The following TCF25 variants were observed in gnomAD, a reference collection of about 807,000 sequenced individuals.
TCF25 encodes the protein TCF25 ribosome quality control complex subunit.
A neutral mutation model predicts 83.1 loss-of-function variants in TCF25; 41 were observed. The ratio of observed to expected loss-of-function variants is 0.49; its 90% confidence interval spans 0.38 to 0.64. TCF25 has a LOEUF of 0.64. TCF25 is among the 30% of genes least tolerant of loss of function. The pLI is 0.00. For synonymous variants in TCF25, 458 were observed against 365.0 expected, an observed-to-expected ratio of 1.25 and a Z score of -2.90; for missense variants, 979 against 914.5, an observed-to-expected ratio of 1.07 and a Z score of -0.91.
At chr16:89,893,321 G>A (rs1347365538) in intron 6 of TCF25, among the ~76,000 whole-genome samples, 6 of 152,180 alleles carry the variant, frequency 3.9e-5, no homozygotes, top group Admixed American at 2.0e-4. Flanking sequence ...CTGTGCCACC[G>A]CACTCCAACC....
chr16:89,907,180 TGGGAGAGGTAGA>T, intron 15 of TCF25, 51 bp from the exon 16 acceptor site: 1 of 1,534,068 alleles, frequency 6.5e-7, no homozygotes, highest in Admixed American at 1.7e-5. Flanking sequence ...AGGACTCTGC[TGGGAGAGGTAGA>T]GGCCCCCTGG....
At chr16:89,904,538 C>G (rs1244706398) in intron 13 of TCF25, 1 of 491,602 alleles carries the variant, frequency 2.0e-6, no homozygotes, top group Non-Finnish European at 3.7e-6. Flanking sequence ...TGTGTTTGTG[C>G]TGCTGCACTC....
At chr16:89,909,152 AATAAAC>A (rs1204580508) in intron 16 of TCF25, 3 of 1,280,138 alleles carry the variant, frequency 2.3e-6, no homozygotes, top group Admixed American at 2.3e-5. Context: ...AGAATGTAGA[AATAAAC>A]ATAAAATCAA....
intron 12 of TCF25, among the ~76,000 whole-genome samples, chr16:89,903,159 A>T (rs62052186): frequency 0.066 from 10,070 of 152,318 alleles, 534 homozygotes; most frequent in East Asian, 0.26. Flanking sequence ...CTGCTGTGTC[A>T]CAGGCTGTAG....
At chr16:89,901,275 GCA>G (rs1308368495) in intron 12 of TCF25, among the ~76,000 whole-genome samples, 3 of 152,382 alleles carry the variant, frequency 2.0e-5, no homozygotes, top group South Asian at 4.1e-4. Context: ...CATGTGGCGG[GCA>G]CAGTGAGGCT....
chr16:89,881,902 G>A (rs1023706123), intron 1 of TCF25, among the ~76,000 whole-genome samples: 2 of 152,020 alleles, frequency 1.3e-5, no homozygotes, highest in Non-Finnish European at 2.9e-5. Context: ...TTACAGGCAC[G>A]CGCCACTGCA....
intron 13 of TCF25, 192 bp downstream of exon 13, chr16:89,904,397 G>A (rs771216593): frequency 7.9e-6 from 5 of 636,354 alleles, no homozygotes; most frequent in Non-Finnish European, 1.4e-5. Context: ...AGTCCAGGTG[G>A]GACAGCTGAG....
At chr16:89,898,676 G>T (rs537890847) in intron 10 of TCF25, 27 bp downstream of exon 10, 1 of 1,612,158 alleles carries the variant, frequency 6.2e-7, no homozygotes, top group Admixed American at 1.7e-5. Flanking sequence ...GGCCAAGCCC[G>T]TCCACGCTCC....
intron 1 of TCF25, among the ~76,000 whole-genome samples, chr16:89,876,434 A>T (rs925824514): frequency 1.3e-5 from 2 of 152,168 alleles, no homozygotes; most frequent in Non-Finnish European, 2.9e-5. Flanking sequence ...TTTTTAAAAA[A>T]TTTTATTTAT....
intron 7 of TCF25, chr16:89,894,819 AT>A (rs2043723126): frequency 2.5e-6 from 1 of 404,424 alleles, no homozygotes; most frequent in Non-Finnish European, 4.6e-6. Flanking sequence ...TAATTTTTGT[AT>A]TTTTATTAGA....
At chr16:89,883,637 C>T in intron 2 of TCF25, 125 bp downstream of exon 2, 1 of 1,132,910 alleles carries the variant, frequency 8.8e-7, no homozygotes, top group Non-Finnish European at 1.2e-6. Context: ...TGGTTACCTG[C>T]TAGTTGCCCC....
intron 1 of TCF25, among the ~76,000 whole-genome samples, chr16:89,875,289 C>T (rs1177546990): frequency 1.3e-5 from 2 of 152,148 alleles, no homozygotes; most frequent in African/African-American, 2.4e-5. Context: ...ATTTATATTT[C>T]TCTTTGTGAC....
At chr16:89,908,476 C>A (rs960319015) in intron 16 of TCF25, among the ~76,000 whole-genome samples, 1 of 145,946 alleles carries the variant, frequency 6.9e-6, no homozygotes, top group Admixed American at 6.8e-5. Context: ...TTCCCACCTG[C>A]CAGCTCCCAC....
chr16:89,890,942 T>C (rs866034235), intron 5 of TCF25, among the ~76,000 whole-genome samples: 7 of 152,208 alleles, frequency 4.6e-5, no homozygotes, highest in Admixed American at 1.3e-4. Context: ...TCATTCCTTG[T>C]CCTGCTCCTC....
At chr16:89,887,439 C>G (rs2043103165) in intron 4 of TCF25, among the ~76,000 whole-genome samples, 1 of 152,238 alleles carries the variant, frequency 6.6e-6, no homozygotes, top group Admixed American at 6.5e-5. Flanking sequence ...ACCGAGCGCC[C>G]TCACGGCACA....
At chr16:89,890,827 TTTA>T (rs1377590630) in intron 5 of TCF25, among the ~76,000 whole-genome samples, 1 of 152,166 alleles carries the variant, frequency 6.6e-6, no homozygotes, top group Non-Finnish European at 1.5e-5. Context: ...AATAATTGCC[TTTA>T]TTATTTTTAT....
At chr16:89,877,175 C>G (rs189816544) in intron 1 of TCF25, among the ~76,000 whole-genome samples, 1 of 152,060 alleles carries the variant, frequency 6.6e-6, no homozygotes, top group East Asian at 1.9e-4. Context: ...ACTTTCAACC[C>G]TGTCAGTTTT....
chr16:89,906,112 G>C, intron 14 of TCF25, 82 bp from the exon 15 acceptor site: 2 of 1,208,160 alleles, frequency 1.7e-6, no homozygotes, highest in East Asian at 5.1e-5. Context: ...TGCTGGGTGG[G>C]GGTGGGGGCC....
chr16:89,887,847 C>T (rs2043134011), intron 5 of TCF25, 130 bp downstream of exon 5: 21 of 792,768 alleles, frequency 2.6e-5, no homozygotes, highest in Admixed American at 7.3e-5. Flanking sequence ...ACACGTAACC[C>T]TTAGAATTGG....
Sources: gnomAD v4.1 joint callset for allele counts (sites outside exome capture counted in the v4.1 genomes callset) on GRCh38, gnomAD v4.1.1 for gene constraint, MANE v1.5 for transcripts, NCBI Gene and HGNC (gene_info 2026-07-23, HGNC 2026-07-21) for gene names.